Variants in L3MBTL3 observed in about 807,000 individuals in gnomAD.
L3MBTL3 encodes the protein L3MBTL histone methyl-lysine binding protein 3, also known as lethal(3)malignant brain tumor-like protein 3.
A neutral mutation model predicts 102.3 loss-of-function variants in L3MBTL3; 27 were observed. The observed-to-expected ratio is 0.26, with a 90% confidence interval of 0.19 to 0.36. The LOEUF is 0.36. L3MBTL3 is among the 10% of genes least tolerant of loss of function. The pLI is 1.00. For missense variants in L3MBTL3, 798 were observed against 955.3 expected (o/e 0.84, Z 2.17); for synonymous variants, 340 against 320.9 (o/e 1.06, Z -0.64).
At chr6:130,131,347 T>C (rs1384661173) in intron 20 of L3MBTL3, among the ~76,000 whole-genome samples, 1 of 152,170 alleles carries the variant, frequency 6.6e-6, no homozygotes, top group African/African-American at 2.4e-5. Context: ...TACCAAGCAT[T>C]GGTGTGGAGG....
chr6:130,042,638 A>G (rs1278946553), intron 2 of L3MBTL3, 47 bp from the exon 3 acceptor site: 1 of 1,137,540 alleles, frequency 8.8e-7, no homozygotes, highest in African/African-American at 1.5e-5. Flanking sequence ...TTAAAAACAG[A>G]TTTCCATGTG....
rs1337261543 is a variant in L3MBTL3 at position 130,051,457 on chromosome 6, G to A, written c.449+49G>A. 3 of 1,498,716 alleles carry A rather than the reference G, an allele frequency of 2.0e-6. No individual in the cohort carries two copies. The South Asian group carries it at 3.4e-5, about 17-fold the overall frequency. 92.8% of individuals were successfully genotyped at this position (1,498,716 alleles called of 1,614,324 possible). A position where few individuals can be genotyped will look rare whatever the true frequency, so the allele number is the denominator to read the frequency against. ...TATAAATTGAGTTTTAGATTCCAAA[G>A]TCATGGTGCCTGAGAATATAGAAGT... On this transcript the variant is annotated intron_variant, in intron 6 of 22. Transcript: ENST00000361794.
intron 18 of L3MBTL3, among the ~76,000 whole-genome samples, chr6:130,099,077 A>G (rs984901045): frequency 6.6e-6 from 1 of 152,048 alleles, no homozygotes; most frequent in Non-Finnish European, 1.5e-5. Flanking sequence ...GCATCCTTCT[A>G]CCACACCTAA....
At chr6:130,089,566 C>T (rs1431112132) in intron 16 of L3MBTL3, among the ~76,000 whole-genome samples, 2 of 151,976 alleles carry the variant, frequency 1.3e-5, no homozygotes, top group Non-Finnish European at 2.9e-5. Flanking sequence ...ATTTATAATC[C>T]TTTGGGTATA....
At chr6:130,115,641 C>T (rs764354722) in intron 19 of L3MBTL3, among the ~76,000 whole-genome samples, 2 of 152,136 alleles carry the variant, frequency 1.3e-5, no homozygotes, top group Non-Finnish European at 2.9e-5. Flanking sequence ...AGTAAGACCT[C>T]TAAAAAGTGA....
chr6:130,054,710 C>T (rs1781348759), intron 7 of L3MBTL3, among the ~76,000 whole-genome samples: 1 of 152,134 alleles, frequency 6.6e-6, no homozygotes, highest in Admixed American at 6.5e-5. Flanking sequence ...AGGCATTTGT[C>T]TACAGCCACA....
At chr6:130,060,580 T>A (rs962577224) in intron 10 of L3MBTL3, among the ~76,000 whole-genome samples, 1 of 151,954 alleles carries the variant, frequency 6.6e-6, no homozygotes, top group Non-Finnish European at 1.5e-5. Flanking sequence ...TGAGAGTACT[T>A]TAAAAACTGT....
chr6:130,022,372 A>G (rs1032065297), intron 2 of L3MBTL3, 67 bp downstream of exon 2: 1 of 152,230 alleles, frequency 6.6e-6, no homozygotes, highest in Non-Finnish European at 1.5e-5. Flanking sequence ...GCATTTGGAG[A>G]TCAGGAAGGA....
chr6:130,061,586 A>G (rs189559166), intron 10 of L3MBTL3, among the ~76,000 whole-genome samples: 1 of 151,886 alleles, frequency 6.6e-6, no homozygotes, highest in Admixed American at 6.6e-5. Flanking sequence ...TTTTATTTAC[A>G]GTGAGAATAC....
At chr6:130,102,539 GTT>G (rs1263939648) in intron 18 of L3MBTL3, among the ~76,000 whole-genome samples, 1 of 152,148 alleles carries the variant, frequency 6.6e-6, no homozygotes, top group Non-Finnish European at 1.5e-5. Context: ...CAGATGTAAT[GTT>G]TGCTAAAAAT....
At chr6:130,061,274 G>A (rs1781888726) in intron 10 of L3MBTL3, among the ~76,000 whole-genome samples, 1 of 152,024 alleles carries the variant, frequency 6.6e-6, no homozygotes, top group Non-Finnish European at 1.5e-5. Context: ...TAGTAGAGAT[G>A]AGGTTTCGCC....
At chr6:130,102,821 A>C (rs1784779739) in intron 18 of L3MBTL3, among the ~76,000 whole-genome samples, 1 of 152,174 alleles carries the variant, frequency 6.6e-6, no homozygotes, top group Admixed American at 6.5e-5. Flanking sequence ...TAGCATCCTC[A>C]CACCCTCTTT....
chr6:130,088,532 C>T (rs1450603439), intron 16 of L3MBTL3, among the ~76,000 whole-genome samples: 1 of 152,184 alleles, frequency 6.6e-6, no homozygotes, highest in African/African-American at 2.4e-5. Flanking sequence ...ACATATTTCA[C>T]ACCTTGAGCT....
intron 2 of L3MBTL3, among the ~76,000 whole-genome samples, chr6:130,028,813 G>A (rs1354778294): frequency 6.6e-6 from 1 of 152,176 alleles, no homozygotes; most frequent in African/African-American, 2.4e-5. Context: ...TTCTTTTGAT[G>A]TGTTCTCCAC....
At chr6:130,045,519 A>G (rs555342266) in intron 3 of L3MBTL3, among the ~76,000 whole-genome samples, 2 of 152,290 alleles carry the variant, frequency 1.3e-5, no homozygotes, top group East Asian at 1.9e-4. Context: ...AGATGGGGAA[A>G]TGGAGGCCTG....
At chr6:130,096,742 C>T (rs1167202883) in intron 18 of L3MBTL3, among the ~76,000 whole-genome samples, 1 of 152,132 alleles carries the variant, frequency 6.6e-6, no homozygotes, top group African/African-American at 2.4e-5. Context: ...ATATTTAGAG[C>T]ATTTCTTCAT....
At chr6:130,055,371 A>G (rs992364624) in intron 8 of L3MBTL3, 116 bp downstream of exon 8, 43 of 723,370 alleles carry the variant, frequency 5.9e-5, no homozygotes, top group Non-Finnish European at 8.9e-5. Flanking sequence ...TCTTTGATTC[A>G]GTTTGGTCAA....
intron 9 of L3MBTL3, among the ~76,000 whole-genome samples, chr6:130,059,193 G>T: frequency 6.6e-6 from 1 of 152,082 alleles, no homozygotes; most frequent in Non-Finnish European, 1.5e-5. Flanking sequence ...GCCCCCCCAG[G>T]CACCAGATTT....
chr6:130,080,583 C>CTAA (rs1783274225), intron 14 of L3MBTL3, among the ~76,000 whole-genome samples: 1 of 152,054 alleles, frequency 6.6e-6, no homozygotes, highest in Non-Finnish European at 1.5e-5. Flanking sequence ...TGGTGTAAGG[C>CTAA]GTTATTGCCG....
Sources: gnomAD v4.1 joint callset for allele counts (sites outside exome capture counted in the v4.1 genomes callset) on GRCh38, gnomAD v4.1.1 for gene constraint, MANE v1.5 for transcripts, NCBI Gene and HGNC (gene_info 2026-07-23, HGNC 2026-07-21) for gene names.